FAT1: variants seen among roughly 807,000 people sequenced by gnomAD.
FAT1 encodes the protein protocadherin Fat 1.
Under a neutral mutation model 329.8 loss-of-function variants are expected in FAT1, and 171 were observed. That is an observed-to-expected ratio of 0.52 (90% CI 0.46 to 0.59). FAT1 has a LOEUF of 0.59. Ranked by LOEUF, FAT1 falls within the 20% of genes least tolerant of loss-of-function variation. The pLI is 0.00. For missense variants in FAT1, 5,672 were observed against 5,774.4 expected, an observed-to-expected ratio of 0.98 and a Z score of 0.57; for synonymous variants, 2,233 against 2,228.6, an observed-to-expected ratio of 1.00 and a Z score of -0.06.
chr4:186,605,552 A>G lies in FAT1; in HGVS notation c.10350+518T>C, dbSNP rs145982205. Among the ~76,000 whole-genome samples the G allele has an allele frequency of 6.1e-3, 551 of 89,778 alleles. 5 individuals carry two copies. The highest frequency in any genetic ancestry group is 0.012 in the Admixed American group (80 of 6,506). 58.9% of individuals were successfully genotyped at this position (89,778 alleles called of 152,430 possible). A position where few individuals can be genotyped will look rare whatever the true frequency, so the allele number is the denominator to read the frequency against. On this transcript the variant is annotated intron_variant, in intron 17 of 26. Coordinates refer to ENST00000441802, the MANE Select transcript of FAT1 (RefSeq NM_005245.4). ...GGGAGGAGGAAGAGAAGGAGGAGGA[A>G]TGGAGAAGAGGTGGAGGGAGGGGGG...
intron 2 of FAT1, among the ~76,000 whole-genome samples, chr4:186,699,653 A>C (rs2126672237): frequency 6.6e-6 from 1 of 151,740 alleles, no homozygotes; most frequent in East Asian, 2.0e-4. Context: ...TATGTCTTGT[A>C]TGGAGCATGC....
chr4:186,675,756 CCACACATA>C (rs141320477), intron 2 of FAT1, among the ~76,000 whole-genome samples: 8,621 of 144,600 alleles, frequency 0.06, 288 homozygotes, highest in East Asian at 0.14. Context: ...ACACACACAC[CCACACATA>C]CACACGACCC....
chr4:186,662,986 G>A (rs890347619), intron 3 of FAT1, among the ~76,000 whole-genome samples: 38 of 151,930 alleles, frequency 2.5e-4, no homozygotes, highest in Non-Finnish European at 4.7e-4. Context: ...ACAGGCGCCC[G>A]CCACCACGCC....
chr4:186,722,913 G>T (rs917081523), intron 1 of FAT1, among the ~76,000 whole-genome samples: 2 of 151,676 alleles, frequency 1.3e-5, no homozygotes, highest in Admixed American at 1.3e-4. Flanking sequence ...AAACTTAACT[G>T]CATAGAAAAT....
intron 2 of FAT1, among the ~76,000 whole-genome samples, chr4:186,678,933 T>C (rs1022722251): frequency 1.3e-5 from 2 of 152,126 alleles, no homozygotes; most frequent in Admixed American, 1.3e-4. Context: ...AGCAAAGACA[T>C]GGAACCAATT....
chr4:186,630,461 C>G (rs1213387840), intron 7 of FAT1, among the ~76,000 whole-genome samples: 1 of 152,100 alleles, frequency 6.6e-6, no homozygotes, highest in Non-Finnish European at 1.5e-5. Flanking sequence ...GACTCCAGAA[C>G]TGATGTGGGA....
intron 26 of FAT1, among the ~76,000 whole-genome samples, chr4:186,595,462 T>C (rs1738454190): frequency 6.6e-6 from 1 of 152,204 alleles, no homozygotes. Context: ...TCAATGAATA[T>C]GTTCTTCTCT....
intron 2 of FAT1, among the ~76,000 whole-genome samples, chr4:186,688,477 C>T (rs982334992): frequency 6.6e-6 from 1 of 152,112 alleles, no homozygotes; most frequent in African/African-American, 2.4e-5. Context: ...TGAGATGGCC[C>T]CTGGGCAGCT....
At chr4:186,724,529 C>T (rs957781422), upstream of FAT1, among the ~76,000 whole-genome samples, 1 of 152,228 alleles carries the variant, frequency 6.6e-6, no homozygotes, top group Non-Finnish European at 1.5e-5. The surrounding 1 kb of genome is among the most constrained non-coding windows in gnomAD (Gnocchi z 5.3). Flanking sequence ...CGCGGCGTCC[C>T]GCGGGCTTCC....
At chr4:186,590,754 A>T (rs1450072882) in intron 26 of FAT1, 6 of 441,884 alleles carry the variant, frequency 1.4e-5, no homozygotes, top group Non-Finnish European at 2.7e-5. Context: ...CTCTAATAAA[A>T]TATAAACTGA....
chr4:186,613,396 G>A (rs921337895), intron 12 of FAT1, 54 bp from the exon 13 acceptor site: 14 of 1,314,596 alleles, frequency 1.1e-5, no homozygotes, highest in Non-Finnish European at 1.4e-5. Flanking sequence ...ACTTGCAGTT[G>A]TACATCTTAT....
chr4:186,606,265 C>T (rs2126449090), intron 16 of FAT1, 52 bp from the exon 17 acceptor site: 3 of 1,599,626 alleles, frequency 1.9e-6, no homozygotes, highest in Admixed American at 3.4e-5. Flanking sequence ...GCCGACAGAG[C>T]TCCAATGAGG....
At chr4:186,613,081 G>A (rs376160017) in intron 13 of FAT1, 28 bp downstream of exon 13, 19 of 1,515,442 alleles carry the variant, frequency 1.3e-5, no homozygotes, top group Middle Eastern at 1.7e-4. Context: ...AGTGAGCAGC[G>A]TCAGGCAAGA....
rs772558550 is a variant in FAT1, at chr4:186,596,654, G to A, written c.12886C>T (p.Arg4296Ter). 1 of 1,610,960 alleles carries A rather than the reference G, an allele frequency of 6.2e-7. No homozygotes were observed. Among genetic ancestry groups the A allele is most frequent in the African/African-American group, 1.3e-5 (1 of 74,840 alleles). The change falls in exon 25 of 27, where the codon CGA (arginine) becomes TGA (stop). Residue 4296 changes from arginine (R) to a stop codon, truncating the protein, a stop_gained. Coordinates refer to ENST00000441802, the MANE Select transcript of FAT1 (RefSeq NM_005245.4). LOFTEE classifies it high-confidence loss of function. This position sits in a 1 kb window ranked among gnomAD's most constrained non-coding sequence, Gnocchi z 4.7. ...ACGCTGCAGACCGCCACTGCTTTTC[G>A]GTGCCCGTGCACAGACTCGGGGTTA... ...TFNPESVHGH[R>*]KAVAVCSVAP...
At chr4:186,725,750 C>G (rs1044113483), upstream of FAT1, among the ~76,000 whole-genome samples, 6 of 152,200 alleles carry the variant, frequency 3.9e-5, no homozygotes, top group African/African-American at 1.2e-4. This position sits in a 1 kb window ranked among gnomAD's most constrained non-coding sequence, Gnocchi z 5.4. Flanking sequence ...ATAATCGACC[C>G]TCCCTAACCC....
intron 3 of FAT1, among the ~76,000 whole-genome samples, chr4:186,648,522 A>G (rs1460632175): frequency 6.6e-6 from 1 of 152,124 alleles, no homozygotes; most frequent in Non-Finnish European, 1.5e-5. Flanking sequence ...CACGGGTGCT[A>G]AGTATCCTCT....
At chr4:186,654,916 A>C (rs1443463533) in intron 3 of FAT1, among the ~76,000 whole-genome samples, 2 of 83,014 alleles carry the variant, frequency 2.4e-5, no homozygotes. Context: ...CTCGAAAAAC[A>C]AAAAAAAAAA....
intron 9 of FAT1, among the ~76,000 whole-genome samples, chr4:186,622,165 G>A (rs1332340186): frequency 6.6e-6 from 1 of 152,142 alleles, no homozygotes; most frequent in African/African-American, 2.4e-5. Flanking sequence ...TATTTTCAAC[G>A]GTTATGACTT....
chr4:186,602,196 T>G (rs1031498269), intron 20 of FAT1, among the ~76,000 whole-genome samples: 1 of 152,140 alleles, frequency 6.6e-6, no homozygotes, highest in African/African-American at 2.4e-5. Flanking sequence ...TAATCGAAAA[T>G]GTTCAATGAT....
Sources: gnomAD v4.1 joint callset for allele counts (sites outside exome capture counted in the v4.1 genomes callset) on GRCh38, gnomAD v4.1.1 for gene constraint, Gnocchi (gnomAD v3.1) non-coding constraint, MANE v1.5 for transcripts, NCBI Gene and HGNC (gene_info 2026-07-23, HGNC 2026-07-21) for gene names.